Variants in DNAH7 observed in about 807,000 individuals in gnomAD.
DNAH7 encodes the protein dynein axonemal heavy chain 7.
A neutral mutation model predicts 444.6 loss-of-function variants in DNAH7; 397 were observed. The ratio of observed to expected loss-of-function variants is 0.89; its 90% CI spans 0.82 to 0.97. The LOEUF is 0.97. Ranked by LOEUF, DNAH7 falls within the 50% of genes least tolerant of loss-of-function variation. DNAH7 has a pLI of 0.00. For missense variants in DNAH7, 4,902 were observed against 4,800.8 expected (o/e 1.02, Z -0.62); for synonymous variants, 1,636 against 1,624.4 (o/e 1.01, Z -0.17).
rs921043316 is a variant in DNAH7 at position 195,900,225 on chromosome 2, T to C, written c.4548+57A>G. ...GTTATTGGAATTCTCTGAAGACCCA[T>C]TAGGCTGGAAATCTACAAATAGGAA... On this transcript the variant is annotated intron_variant, in intron 28 of 64. Transcript: ENST00000312428. 1.9e-6 allele frequency: 3 copies of C among 1,564,494 alleles called. No individual in the cohort carries two copies. In the African/African-American group the frequency reaches 4.1e-5, roughly 21 times the overall value.
intron 51 of DNAH7, among the ~76,000 whole-genome samples, chr2:195,812,939 C>T (rs1697039259): frequency 6.6e-6 from 1 of 152,122 alleles, no homozygotes; most frequent in Admixed American, 6.6e-5. Flanking sequence ...TCTTAGTTTA[C>T]TTTAACAACA....
At chr2:195,844,835 TTATAA>T (rs1383462069) in intron 47 of DNAH7, among the ~76,000 whole-genome samples, 162 bp downstream of exon 47, 2 of 152,168 alleles carry the variant, frequency 1.3e-5, no homozygotes, top group African/African-American at 4.8e-5. Flanking sequence ...TACTCAACTA[TTATAA>T]TATTAATAAG....
chr2:195,925,929 A>G (rs1688303388), intron 22 of DNAH7, among the ~76,000 whole-genome samples: 2 of 152,138 alleles, frequency 1.3e-5, no homozygotes, highest in Admixed American at 1.3e-4. Flanking sequence ...ATTATATTAG[A>G]ATGTTTACAT....
At chr2:195,782,000 CACACACACACACACACAG>C (rs1695405756) in intron 58 of DNAH7, among the ~76,000 whole-genome samples, 1 of 150,422 alleles carries the variant, frequency 6.6e-6, no homozygotes, top group African/African-American at 2.5e-5. Flanking sequence ...CACACACACA[CACACACACACACACACAG>C]ACACACCCCT....
In DNAH7 at chr2:195,960,732, A is replaced by G. The variant is rs766040474; in HGVS notation, c.2419T>C (p.Leu807=). Residue 807 remains leucine, a synonymous_variant, in exon 18 of 65, where the codon TTA becomes CTA. Coordinates refer to ENST00000312428, the MANE Select transcript of DNAH7 (RefSeq NM_018897.3). ...EADIGNYWRG[L]YKLEKTFHDS... The stretch of plus-strand genomic sequence containing the variant: ...TGAAAGGTTTTCTCCAGTTTATATA[A>G]TCCTCTCCAGTAATTTCCAATATCT... The G allele has an allele frequency of 1.2e-6, 2 of 1,614,100 alleles. No homozygotes were observed. Among genetic ancestry groups the G allele is most frequent in the Non-Finnish European group, 1.7e-6 (2 of 1,180,010 alleles).
At chr2:195,897,338 G>A (rs927802926) in intron 29 of DNAH7, among the ~76,000 whole-genome samples, 3 of 152,050 alleles carry the variant, frequency 2.0e-5, no homozygotes, top group African/African-American at 7.2e-5. Flanking sequence ...TATCTATACT[G>A]TGCTAGGGAT....
At position 195,834,204 on chromosome 2, in the gene DNAH7, AC is replaced by A; in HGVS notation, c.9100+1del. Reference sequence around the variant, plus strand: ...ATGTATCTTAGTTATTCAACTACATACCAGGAGTACCAAACTGGATGCAATT... The same window carrying A: ...ATGTATCTTAGTTATTCAACTACATACAGGAGTACCAAACTGGATGCAATT... On this transcript the variant is annotated splice_donor_variant, in intron 48 of 64. Coordinates refer to ENST00000312428, the MANE Select transcript of DNAH7 (RefSeq NM_018897.3). LOFTEE classifies it high-confidence loss of function. The A allele has an allele frequency of 6.2e-7, 1 of 1,602,492 alleles. No individual in the cohort carries two copies. The highest frequency in any genetic ancestry group is 8.5e-7 in the Non-Finnish European group (1 of 1,171,314).
At chr2:196,059,704 A>G (rs533468024) in intron 1 of DNAH7, among the ~76,000 whole-genome samples, 1 of 152,306 alleles carries the variant, frequency 6.6e-6, no homozygotes, top group South Asian at 2.1e-4. Flanking sequence ...TTTCACTTAC[A>G]TCACAGAGGG....
intron 63 of DNAH7, among the ~76,000 whole-genome samples, chr2:195,748,488 T>TA (rs1312441657): frequency 6.6e-6 from 1 of 152,152 alleles, no homozygotes; most frequent in Non-Finnish European, 1.5e-5. Flanking sequence ...AAAACTACTT[T>TA]AAAGTTCATA....
rs1255806686 is a variant in DNAH7 at position 195,756,131 on chromosome 2, A to T, written c.11586+2T>A. On this transcript the variant is annotated splice_donor_variant, in intron 62 of 64. Transcript: ENST00000312428. LOFTEE classifies it high-confidence loss of function. ...AATATACGATCATTTAGACGAACTT[A>T]CCTGCAAGAATTTTAGTCTTGCAAG... 1.9e-6 allele frequency: 3 copies of T among 1,594,368 alleles called. No individual in the cohort carries two copies. The highest frequency in any genetic ancestry group is 2.6e-6 in the Non-Finnish European group (3 of 1,169,158).
rs1304664597 is a variant in DNAH7 at position 195,960,665 on chromosome 2, G to T, written c.2486C>A (p.Ser829Ter). Residue 829 changes from serine to a stop codon, truncating the protein, a stop_gained, in exon 18 of 65, where the codon TCA becomes TAA. Coordinates refer to ENST00000312428, the MANE Select transcript of DNAH7 (RefSeq NM_018897.3). LOFTEE classifies it high-confidence loss of function. Reference sequence around the variant, plus strand: ...GTGCTGCTTGAAATCTTCCACCTTTGATCTTACTTTTTTTGTCATTGCCAA... The same window carrying T: ...GTGCTGCTTGAAATCTTCCACCTTTTATCTTACTTTTTTTGTCATTGCCAA... ...YALAMTKKVR[S>*]KVEDFKQHIP... is the part of the protein sequence containing the mutation. The T allele has an allele frequency of 6.2e-7, 1 of 1,614,158 alleles. No individual in the cohort carries two copies.
Position 195,888,372 on chromosome 2 carries a change from C to T in DNAH7, c.5292G>A (p.Leu1764=). Residue 1764 remains leucine, a synonymous_variant, in exon 33 of 65, where the codon TTG becomes TTA. Coordinates refer to ENST00000312428, the MANE Select transcript of DNAH7 (RefSeq NM_018897.3). ...ACGCAGGTAACAGATTCACCCAGGACAACATCAGTGGTCTCCAGCCTAACA... is the reference window on the plus strand; with the variant it reads ...ACGCAGGTAACAGATTCACCCAGGATAACATCAGTGGTCTCCAGCCTAACA... ...PHMLGWRPLM[L]SWVNLLPASV... is the part of the protein sequence containing the mutation. 3 of 1,608,264 alleles carry T rather than the reference C, an allele frequency of 1.9e-6. No individual in the cohort carries two copies. The highest frequency in any genetic ancestry group is 2.5e-6 in the Non-Finnish European group (3 of 1,178,298).
chr2:195,901,392 T>C (rs527739383), intron 27 of DNAH7: 15 of 152,292 alleles, frequency 9.8e-5, no homozygotes, highest in South Asian at 6.2e-4. Context: ...TAAATTTTAA[T>C]GTTCAAATCA....
intron 43 of DNAH7, among the ~76,000 whole-genome samples, chr2:195,857,981 A>T (rs1010911924): frequency 2.0e-5 from 3 of 152,208 alleles, no homozygotes; most frequent in Non-Finnish European, 4.4e-5. Flanking sequence ...CTTAACTTTT[A>T]ATACACCTCA....
At chr2:195,766,485 A>G (rs1694595070) in intron 61 of DNAH7, among the ~76,000 whole-genome samples, 1 of 152,052 alleles carries the variant, frequency 6.6e-6, no homozygotes, top group African/African-American at 2.4e-5. Context: ...GCTAAATATT[A>G]AAACAATTGA....
Position 195,845,055 on chromosome 2 carries a change from A to C in DNAH7, c.8892T>G (p.Asn2964Lys), listed in dbSNP as rs200401934. The C allele has an allele frequency of 3.4e-5, 55 of 1,613,948 alleles. No homozygotes were observed. The African/African-American group carries it at 6.9e-4, about 20-fold the overall frequency. ...LGEAVTIRTW[N>K]IAGLPSDSFS... ...ATGAGTCAGAAGGTAATCCAGCAAT[A>C]TTCCAAGTTCGAATTGTCACAGCTT... Residue 2964 changes from asparagine to lysine, a missense_variant, in exon 47 of 65, where the codon AAT (asparagine) becomes AAG (lysine). By Grantham distance (94) the Asn-to-Lys change is moderately conservative (BLOSUM62 0). Transcript: ENST00000312428.
intron 19 of DNAH7, among the ~76,000 whole-genome samples, chr2:195,944,989 A>G (rs575563554): frequency 3.3e-5 from 5 of 151,928 alleles, no homozygotes; most frequent in Admixed American, 6.6e-5. Context: ...GTCTAAGAAC[A>G]TAATTGATTG....
chr2:195,983,292 G>A (rs1692694668), intron 15 of DNAH7, among the ~76,000 whole-genome samples: 1 of 152,120 alleles, frequency 6.6e-6, no homozygotes, highest in Admixed American at 6.5e-5. Flanking sequence ...ATTTTGTGTT[G>A]CTATGAAGGA....
Position 196,009,277 on chromosome 2 carries a change from T to C in DNAH7, c.989+3510A>G, listed in dbSNP as rs1047447590. Reference sequence around the variant, plus strand: ...AATGTTCTGGAACTAATGGTAATGGTTGCACAACCTTGCGAGTATATTATC... The same window carrying C: ...AATGTTCTGGAACTAATGGTAATGGCTGCACAACCTTGCGAGTATATTATC... On this transcript the variant is annotated intron_variant, in intron 10 of 64. Transcript: ENST00000312428. Among the ~76,000 whole-genome samples the C allele has an allele frequency of 3.9e-5, 6 of 152,136 alleles. No individual in the cohort carries two copies. In the South Asian group the frequency reaches 1.2e-3, roughly 32 times the overall value.
Sources: allele counts gnomAD v4.1 joint callset (sites outside exome capture counted in the v4.1 genomes callset), GRCh38; gene constraint gnomAD v4.1.1; transcripts MANE v1.5; gene names NCBI Gene and HGNC (gene_info 2026-07-23, HGNC 2026-07-21).